ASB7: variants seen among roughly 807,000 people sequenced by gnomAD.
ASB7 encodes the protein ankyrin repeat and SOCS box containing 7, also known as ankyrin repeat and SOCS box protein 7.
ASB7 carries 4 observed loss-of-function variants against 32.5 expected under a neutral mutation model. The observed-to-expected ratio is 0.12, with a 90% CI of 0.06 to 0.28. The LOEUF is 0.28. Among genes scored for constraint, ASB7 ranks in the 10% least tolerant of loss-of-function variants. The pLI is 1.00. For synonymous variants in ASB7, 172 were observed against 155.6 expected (o/e 1.11, Z -0.78); for missense variants, 181 against 407.1 (o/e 0.44, Z 4.78).
At chr15:100,614,215 A>G (rs1354460711) in intron 4 of ASB7, among the ~76,000 whole-genome samples, 2 of 151,406 alleles carry the variant, frequency 1.3e-5, no homozygotes, top group Non-Finnish European at 2.9e-5. Flanking sequence ...TGGAGGTTGC[A>G]GTGAGCTGAG....
Position 100,607,596 on chromosome 15 carries a change from G to A in ASB7, c.-173-2111G>A, listed in dbSNP as rs569883562. Among the ~76,000 whole-genome samples, 12 of 152,240 alleles carry A rather than the reference G, an allele frequency of 7.9e-5. No homozygotes were observed. The South Asian group carries it at 2.1e-3, about 26-fold the overall frequency. On this transcript the variant is annotated intron_variant, in intron 2 of 5. Transcript: ENST00000332783. ...GAGTACTTTTTTGGTTTAAACCTGT[G>A]GTTATTGTTTATAGCACTTGGTATT...
chr15:100,624,720 T>A (rs2039822727), intron 4 of ASB7, among the ~76,000 whole-genome samples: 1 of 152,172 alleles, frequency 6.6e-6, no homozygotes, highest in Admixed American at 6.5e-5. Flanking sequence ...AGGACGTAAA[T>A]AAGGATTCTA....
rs767435154 is a variant in ASB7 at position 100,603,198 on chromosome 15, G to T, written c.-272-17G>T. On this transcript the variant is annotated splice_polypyrimidine_tract_variant and intron_variant, in intron 1 of 5. Coordinates refer to ENST00000332783, the MANE Select transcript of ASB7 (RefSeq NM_198243.3). The stretch of plus-strand genomic sequence containing the variant: ...CCTCTGAGACACTACACCACTCACT[G>T]GTTTCTGTTTTTCTAGGTTTGAGCT... 71 of 386,650 alleles carry T rather than the reference G, an allele frequency of 1.8e-4. No individual in the cohort carries two copies. The highest frequency in any genetic ancestry group is 2.7e-4 in the Admixed American group (6 of 22,128). 24.0% of individuals were successfully genotyped at this position (386,650 alleles called of 1,614,324 possible). A position where few individuals can be genotyped will look rare whatever the true frequency, so the allele number is the denominator to read the frequency against.
intron 5 of ASB7, among the ~76,000 whole-genome samples, chr15:100,644,557 G>A (rs149199481): frequency 4.2e-4 from 64 of 152,282 alleles, no homozygotes; most frequent in South Asian, 2.9e-3. Flanking sequence ...CATATTCGCC[G>A]AGTACCGTGT....
At chr15:100,623,318 G>A (rs2039809388) in intron 4 of ASB7, among the ~76,000 whole-genome samples, 3 of 152,166 alleles carry the variant, frequency 2.0e-5, no homozygotes, top group African/African-American at 4.8e-5. Context: ...CAGGAGAATC[G>A]CTTGAACCTG....
chr15:100,640,022 T>C (rs922070112), intron 5 of ASB7, among the ~76,000 whole-genome samples: 4 of 152,362 alleles, frequency 2.6e-5, no homozygotes, highest in South Asian at 2.1e-4. Context: ...TAAGGAGAGC[T>C]GGAAACTGCC....
At chr15:100,644,969 A>G (rs1597013379) in intron 5 of ASB7, among the ~76,000 whole-genome samples, 1 of 152,252 alleles carries the variant, frequency 6.6e-6, no homozygotes, top group East Asian at 1.9e-4. Context: ...AACCTCTCGA[A>G]AAGCGTATGT....
chr15:100,612,468 CAT>C, intron 4 of ASB7, 41 bp downstream of exon 4: 1 of 1,522,676 alleles, frequency 6.6e-7, no homozygotes, highest in South Asian at 1.1e-5. Context: ...CATGGAGAAA[CAT>C]AAATGATGTT....
intron 5 of ASB7, among the ~76,000 whole-genome samples, chr15:100,639,133 T>G (rs2039944366): frequency 6.6e-6 from 1 of 152,206 alleles, no homozygotes; most frequent in Admixed American, 6.5e-5. Flanking sequence ...TATTTTGATT[T>G]GTATGTTTTA....
Position 100,612,287 on chromosome 15 carries a change from C to T in ASB7, c.71C>T (p.Ala24Val). ...TTGCAGATTCAGGCCGCGGTGGCTG[C>T]TGGGGATGTCCACACAGTGCGAAAG... ...EELQIQAAVA[A>V]GDVHTVRKML... The change falls in exon 4 of 6, where the codon GCT (alanine) becomes GTT (valine). Residue 24 changes from alanine (A) to valine (V), a missense_variant. Coordinates refer to ENST00000332783, the MANE Select transcript of ASB7 (RefSeq NM_198243.3). The T allele has an allele frequency of 6.2e-7, 1 of 1,614,126 alleles. No individual in the cohort carries two copies. Among genetic ancestry groups the T allele is most frequent in the South Asian group, 1.1e-5 (1 of 91,086 alleles).
At chr15:100,613,480 A>G (rs1031220638) in intron 4 of ASB7, among the ~76,000 whole-genome samples, 3 of 152,266 alleles carry the variant, frequency 2.0e-5, no homozygotes, top group Admixed American at 1.3e-4. Flanking sequence ...ATAGTTGACC[A>G]TTGTCAGAAC....
rs1275704517 is a variant in ASB7, at chr15:100,650,127, G to T, written c.*1665G>T. ...CTTCAGAGAAGAGGATTATTCGGGA[G>T]ATTGCTGGTGTGGCCCATAGACTCT... On this transcript the variant is annotated 3_prime_UTR_variant, in exon 6 of 6. Coordinates refer to ENST00000332783, the MANE Select transcript of ASB7 (RefSeq NM_198243.3). 9 of 152,308 alleles carry T rather than the reference G, an allele frequency of 5.9e-5. No individual in the cohort carries two copies. Among genetic ancestry groups the T allele is most frequent in the Non-Finnish European group, 1.3e-4 (9 of 68,112 alleles). The allele number at this position is 152,308 out of a possible 1,614,324, so 9.4% of individuals were successfully genotyped here.
chr15:100,635,847 G>A (rs1365402603), intron 5 of ASB7, among the ~76,000 whole-genome samples: 2 of 152,174 alleles, frequency 1.3e-5, no homozygotes, highest in African/African-American at 4.8e-5. Flanking sequence ...GGCTTTCCTC[G>A]TGGCTCTGAG....
At chr15:100,615,660 C>A (rs1383546736) in intron 4 of ASB7, among the ~76,000 whole-genome samples, 1 of 152,220 alleles carries the variant, frequency 6.6e-6, no homozygotes, top group African/African-American at 2.4e-5. Context: ...CTTCTAGAGG[C>A]CATCTCTTTC....
At chr15:100,627,992 G>A (rs1433673281) in intron 4 of ASB7, among the ~76,000 whole-genome samples, 1 of 152,168 alleles carries the variant, frequency 6.6e-6, no homozygotes, top group East Asian at 1.9e-4. Context: ...ACCAGCAGAT[G>A]GCAGCAAAAT....
chr15:100,616,578 A>G (rs1223762008), intron 4 of ASB7, among the ~76,000 whole-genome samples: 1 of 152,140 alleles, frequency 6.6e-6, no homozygotes, highest in Non-Finnish European at 1.5e-5. Context: ...TTCTTTCTTC[A>G]TTACTGTGCA....
intron 4 of ASB7, among the ~76,000 whole-genome samples, chr15:100,619,708 G>C (rs1337413284): frequency 6.6e-6 from 1 of 152,108 alleles, no homozygotes; most frequent in Admixed American, 6.5e-5. Flanking sequence ...TAAAACCACC[G>C]ATCAGTGATC....
At chr15:100,637,199 G>A (rs1024280736) in intron 5 of ASB7, among the ~76,000 whole-genome samples, 2 of 152,184 alleles carry the variant, frequency 1.3e-5, no homozygotes, top group Non-Finnish European at 2.9e-5. Context: ...GAGCTGAGCC[G>A]GCAGCTTTTT....
intron 4 of ASB7, among the ~76,000 whole-genome samples, chr15:100,627,137 GTTTAT>G (rs1318274692): frequency 2.0e-5 from 3 of 151,826 alleles, no homozygotes; most frequent in Non-Finnish European, 2.9e-5. Flanking sequence ...CTTTGCTTCT[GTTTAT>G]ATACATTAAA....
Sources: gnomAD v4.1 joint callset for allele counts (sites outside exome capture counted in the v4.1 genomes callset) on GRCh38, gnomAD v4.1.1 for gene constraint, MANE v1.5 for transcripts, NCBI Gene and HGNC (gene_info 2026-07-23, HGNC 2026-07-21) for gene names.